Variants in KCNC2 observed in about 807,000 individuals in gnomAD.
The protein encoded by KCNC2 is potassium voltage-gated channel subfamily C member 2.
KCNC2 carries 21 observed loss-of-function variants against 44.5 expected under a neutral mutation model. The observed-to-expected ratio is 0.47, with a 90% CI of 0.33 to 0.68. KCNC2 has a LOEUF of 0.68. KCNC2 is among the 30% of genes least tolerant of loss of function. The pLI is 0.01. For missense variants in KCNC2, 589 were observed against 826.2 expected (o/e 0.71, Z 3.52); for synonymous variants, 391 against 339.1 (o/e 1.15, Z -1.68).
intron 2 of KCNC2, among the ~76,000 whole-genome samples, chr12:75,134,968 G>A (rs761830640): frequency 1.3e-5 from 2 of 151,834 alleles, no homozygotes; most frequent in Non-Finnish European, 2.9e-5. Flanking sequence ...TACACTCACA[G>A]AAAGGAACGG....
intron 2 of KCNC2, among the ~76,000 whole-genome samples, chr12:75,083,931 G>A (rs2366623): frequency 6.6e-6 from 1 of 151,704 alleles, no homozygotes; most frequent in East Asian, 1.9e-4. Flanking sequence ...AATACATACA[G>A]TAGTTTTATA....
intron 2 of KCNC2, among the ~76,000 whole-genome samples, chr12:75,128,786 C>A (rs1888625832): frequency 1.3e-5 from 2 of 152,138 alleles, no homozygotes; most frequent in African/African-American, 4.8e-5. Flanking sequence ...CATATAATCA[C>A]CAGTGGTGAG....
At chr12:75,107,273 C>T (rs997932266) in intron 2 of KCNC2, among the ~76,000 whole-genome samples, 4 of 152,052 alleles carry the variant, frequency 2.6e-5, no homozygotes, top group African/African-American at 9.7e-5. Flanking sequence ...CACTGCAATC[C>T]AGCCTGGGTG....
At chr12:75,107,000 T>G (rs1389690965) in intron 2 of KCNC2, among the ~76,000 whole-genome samples, 1 of 151,818 alleles carries the variant, frequency 6.6e-6, no homozygotes, top group Non-Finnish European at 1.5e-5. Context: ...ATTAATAAGA[T>G]CAGTCAAAAG....
In KCNC2 at chr12:75,207,650, C is replaced by T; in HGVS notation, c.334G>A (p.Ala112Thr). The change falls in exon 2 of 5, where the codon GCC (alanine) becomes ACC (threonine). Residue 112 changes from alanine to threonine, a missense_variant. This residue lies in a region of KCNC2 where 40 missense variants were observed against 102.0 expected (regional missense o/e 0.39). Coordinates refer to ENST00000549446, the MANE Select transcript of KCNC2 (RefSeq NM_139137.4). The surrounding 1 kb of genome is among the most constrained non-coding windows in gnomAD (Gnocchi z 4.1). ...GTGCGGTAGTAATTGAGCACATAGG[C>T]GAAGACGCCCGGGTGCCGGTCGAAG... ...FFFDRHPGVF[A>T]YVLNYYRTGK... 6.2e-7 allele frequency: 1 copy of T among 1,611,496 alleles called. No individual in the cohort carries two copies.
At chr12:75,070,123 G>C (rs1883249479) in intron 2 of KCNC2, among the ~76,000 whole-genome samples, 1 of 152,144 alleles carries the variant, frequency 6.6e-6, no homozygotes, top group Non-Finnish European at 1.5e-5. Context: ...ATTGATAAAT[G>C]AGAATATTTT....
At chr12:75,095,261 G>T (rs1017186470) in intron 2 of KCNC2, among the ~76,000 whole-genome samples, 1 of 151,796 alleles carries the variant, frequency 6.6e-6, no homozygotes, top group Non-Finnish European at 1.5e-5. Context: ...GTACTGGCAA[G>T]CAACTCTATT....
chr12:75,153,829 A>G (rs1215087092), intron 2 of KCNC2, among the ~76,000 whole-genome samples: 1 of 151,944 alleles, frequency 6.6e-6, no homozygotes, highest in Non-Finnish European at 1.5e-5. Context: ...GTGGAAGGGG[A>G]TCATCATAAA....
intron 2 of KCNC2, among the ~76,000 whole-genome samples, chr12:75,147,287 G>C (rs894063872): frequency 4.6e-5 from 7 of 152,112 alleles, no homozygotes; most frequent in Admixed American, 2.6e-4. Context: ...CAAATAAATG[G>C]AGAATTTTTT....
chr12:75,054,999 G>T (rs2136961499), intron 2 of KCNC2, among the ~76,000 whole-genome samples: 1 of 152,256 alleles, frequency 6.6e-6, no homozygotes, highest in African/African-American at 2.4e-5. Flanking sequence ...GAGCTTAAAT[G>T]GGTAAATATG....
chr12:75,143,056 T>G (rs958802515), intron 2 of KCNC2, among the ~76,000 whole-genome samples: 25 of 152,210 alleles, frequency 1.6e-4, no homozygotes, highest in African/African-American at 5.8e-4. Flanking sequence ...CAAGCAGTTC[T>G]GCATCCTCAG....
rs1407887414 is a variant in KCNC2, at chr12:75,050,411, G to A, written c.1594C>T (p.Leu532Phe). 2 of 1,611,550 alleles carry A rather than the reference G, an allele frequency of 1.2e-6. No individual in the cohort carries two copies. The highest frequency in any genetic ancestry group is 2.2e-5 in the South Asian group (2 of 90,810). Residue 532 changes from leucine (L) to phenylalanine (F), a missense_variant, in exon 3 of 5, where the codon CTT (leucine) becomes TTT (phenylalanine). Leu to Phe is a conservative substitution (Grantham distance 22). This residue lies in a region of KCNC2 where 171 missense variants were observed against 182.4 expected (regional missense o/e 0.94). Transcript: ENST00000549446. Reference protein sequence around the residue: ...SDTCLGKDNRLLEHNRSVLSG... With the variant: ...SDTCLGKDNRFLEHNRSVLSG... ...TTACCTGATCTGTTATGTTCCAGAA[G>A]TCGATTGTCTTTGCCCAGACATGTG...
intron 2 of KCNC2, among the ~76,000 whole-genome samples, chr12:75,141,502 C>T (rs985665364): frequency 2.6e-5 from 4 of 152,150 alleles, no homozygotes. Context: ...AACAGAAACA[C>T]ATTTCTGACT....
At chr12:75,076,624 A>T (rs936310513) in intron 2 of KCNC2, among the ~76,000 whole-genome samples, 6 of 152,298 alleles carry the variant, frequency 3.9e-5, no homozygotes, top group Admixed American at 3.3e-4. Flanking sequence ...TCTTTATAAT[A>T]AATAGTACCA....
chr12:75,095,117 CT>C (rs1375074831), intron 2 of KCNC2, among the ~76,000 whole-genome samples: 1 of 151,790 alleles, frequency 6.6e-6, no homozygotes, highest in Non-Finnish European at 1.5e-5. Context: ...TTCTGTTTTA[CT>C]GATAACAGAG....
chr12:75,107,964 G>A (rs1886924458), intron 2 of KCNC2, among the ~76,000 whole-genome samples: 1 of 152,068 alleles, frequency 6.6e-6, no homozygotes, highest in Non-Finnish European at 1.5e-5. Context: ...AAGAGGGAAA[G>A]GGAAAAGGAA....
At chr12:75,119,163 TG>T (rs1565870327) in intron 2 of KCNC2, among the ~76,000 whole-genome samples, 1 of 152,196 alleles carries the variant, frequency 6.6e-6, no homozygotes, top group Non-Finnish European at 1.5e-5. Context: ...TTTCACAAAA[TG>T]GCCCTGTCAA....
At chr12:75,086,770 A>G (rs1885069770) in intron 2 of KCNC2, among the ~76,000 whole-genome samples, 1 of 151,358 alleles carries the variant, frequency 6.6e-6, no homozygotes, top group South Asian at 2.1e-4. Flanking sequence ...GGAAAAGTGA[A>G]CATTTGAAAT....
intron 2 of KCNC2, among the ~76,000 whole-genome samples, chr12:75,155,654 G>C (rs542556751): frequency 2.0e-5 from 3 of 151,692 alleles, no homozygotes; most frequent in South Asian, 4.2e-4. Flanking sequence ...AAATGAGAAG[G>C]CTTGTTAAGT....
Sources: allele counts gnomAD v4.1 joint callset (sites outside exome capture counted in the v4.1 genomes callset), GRCh38; gene constraint gnomAD v4.1.1; regional missense constraint gnomAD v4.1.1; non-coding constraint Gnocchi (gnomAD v3.1); transcripts MANE v1.5; gene names NCBI Gene and HGNC (gene_info 2026-07-23, HGNC 2026-07-21).